The following COPG2 variants were observed in gnomAD, a reference collection of about 807,000 sequenced individuals.
The protein encoded by COPG2 is coat protein complex I subunit gamma 2, also known as coatomer subunit gamma-2.
Under a neutral mutation model 46.3 loss-of-function variants are expected in COPG2, and 37 were observed. That is an observed-to-expected ratio of 0.80 (90% CI 0.61 to 1.05). The LOEUF is 1.05. Ranked by LOEUF, COPG2 falls within the 50% of genes least tolerant of loss-of-function variation. The probability of loss-of-function intolerance (pLI) is 0.00; values close to 1 mark genes in which losing one functional copy is unlikely to be tolerated. For missense variants in COPG2, 427 were observed against 387.8 expected, an observed-to-expected ratio of 1.10 and a Z score of -0.85; for synonymous variants, 159 against 129.7, an observed-to-expected ratio of 1.23 and a Z score of -1.53.
chr7:130,668,426 C>T (rs1338501775), intron 1 of COPG2, among the ~76,000 whole-genome samples: 20 of 148,764 alleles, frequency 1.3e-4, no homozygotes, highest in Non-Finnish European at 2.4e-4. Context: ...GAGCGCGCGG[C>T]CCGAAGGGAG....
intron 4 of COPG2, among the ~76,000 whole-genome samples, chr7:130,653,449 C>T (rs1554459437): frequency 6.6e-6 from 1 of 152,120 alleles, no homozygotes; most frequent in Non-Finnish European, 1.5e-5. Context: ...AGACGGCGTA[C>T]AGTATTAATT....
intron 3 of COPG2, among the ~76,000 whole-genome samples, 178 bp downstream of exon 3, chr7:130,666,671 G>GT (rs1348063981): frequency 1.3e-5 from 2 of 152,178 alleles, no homozygotes; most frequent in Non-Finnish European, 2.9e-5. Flanking sequence ...TACTCAACCT[G>GT]TATATGTCAT....
chr7:130,661,868 T>C (rs1385084374), intron 4 of COPG2, among the ~76,000 whole-genome samples: 1 of 152,238 alleles, frequency 6.6e-6, no homozygotes, highest in Non-Finnish European at 1.5e-5. Flanking sequence ...CAGAAATCTA[T>C]AACTGCCTTC....
Position 130,555,099 on chromosome 7 carries a change from G to A in COPG2, c.1162C>T (p.Gln388Ter). 2.5e-6 allele frequency: 1 copy of A among 398,472 alleles called. No individual in the cohort carries two copies. The highest frequency in any genetic ancestry group is 4.4e-6 in the Non-Finnish European group (1 of 226,020). The allele number at this position is 398,472 out of a possible 1,614,324, so 24.7% of individuals were successfully genotyped here. A position where few individuals can be genotyped will look rare whatever the true frequency, so the allele number is the denominator to read the frequency against. Residue 388 changes from glutamine to a stop codon, truncating the protein, a stop_gained, in exon 13 of 24, where the codon CAG becomes TAG. Transcript: ENST00000425248. LOFTEE classifies it high-confidence loss of function. The stretch of plus-strand genomic sequence containing the variant: ...ACACTGTGCTTTCGAGGGTATTTCT[G>A]ACAGAGAGCACTAATTGCCTGTACA... ...VVVQAISALC[Q>*]KYPRKHSVMM...
chr7:130,621,281 A>C (rs1554453601), intron 5 of COPG2, among the ~76,000 whole-genome samples: 1 of 152,236 alleles, frequency 6.6e-6, no homozygotes, highest in Non-Finnish European at 1.5e-5. Flanking sequence ...TAGCCTCCAG[A>C]ACTGTAAAAG....
At chr7:130,519,569 G>C (rs1799708716) in intron 20 of COPG2, among the ~76,000 whole-genome samples, 1 of 152,162 alleles carries the variant, frequency 6.6e-6, no homozygotes. Flanking sequence ...AATGTAAGGA[G>C]TTTGCAGCCA....
intron 14 of COPG2, among the ~76,000 whole-genome samples, 193 bp downstream of exon 14, chr7:130,554,288 G>A (rs958975088): frequency 7.9e-5 from 12 of 152,120 alleles, no homozygotes; most frequent in African/African-American, 2.2e-4. Flanking sequence ...TACTGAAAGC[G>A]AAGGGTTATT....
At chr7:130,606,324 G>GAGAA (rs1316340644) in intron 9 of COPG2, among the ~76,000 whole-genome samples, 5 of 151,604 alleles carry the variant, frequency 3.3e-5, no homozygotes, top group Non-Finnish European at 7.4e-5. Context: ...AGAAAAGAAA[G>GAGAA]AGAAAGAAGG....
intron 11 of COPG2, 28 bp from the exon 12 acceptor site, chr7:130,561,249 A>G: frequency 5.0e-6 from 2 of 398,568 alleles, no homozygotes; most frequent in East Asian, 3.6e-5. Flanking sequence ...AAAAAAATTA[A>G]GCAAATTGCT....
intron 5 of COPG2, among the ~76,000 whole-genome samples, chr7:130,643,225 G>A (rs1389931175): frequency 1.3e-5 from 2 of 151,788 alleles, no homozygotes; most frequent in Admixed American, 6.6e-5. Flanking sequence ...AACCCGGGAG[G>A]CGGAGCTTGC....
intron 20 of COPG2, among the ~76,000 whole-genome samples, chr7:130,535,958 A>G (rs1799875936): frequency 4.6e-5 from 7 of 152,078 alleles, no homozygotes. Flanking sequence ...ACCAAATGGG[A>G]AGTCTCTCTG....
intron 6 of COPG2, among the ~76,000 whole-genome samples, chr7:130,614,209 A>G (rs1481305482): frequency 6.6e-6 from 1 of 152,226 alleles, no homozygotes; most frequent in Non-Finnish European, 1.5e-5. Context: ...GCAGATAAAG[A>G]TGAGTAAAAA....
intron 5 of COPG2, among the ~76,000 whole-genome samples, chr7:130,621,460 G>A (rs1328935074): frequency 6.6e-6 from 1 of 152,170 alleles, no homozygotes; most frequent in African/African-American, 2.4e-5. Context: ...TGTAGCTGCA[G>A]CACAAAGGCA....
chr7:130,568,277 A>T (rs1793838116), intron 9 of COPG2, among the ~76,000 whole-genome samples: 1 of 152,142 alleles, frequency 6.6e-6, no homozygotes, highest in African/African-American at 2.4e-5. Flanking sequence ...CTCTGTCTCA[A>T]AAAAAAGAAT....
At chr7:130,607,534 C>A (rs1794758257) in intron 9 of COPG2, 13 of 425,578 alleles carry the variant, frequency 3.1e-5, no homozygotes, top group South Asian at 2.3e-4. Context: ...AACTTTATTT[C>A]CTCCATAGTG....
chr7:130,609,172 C>A (rs144717447), intron 9 of COPG2, among the ~76,000 whole-genome samples: 1 of 152,266 alleles, frequency 6.6e-6, no homozygotes, highest in African/African-American at 2.4e-5. Flanking sequence ...TGAGCCACCG[C>A]ACCCAGCCCC....
chr7:130,598,261 G>T (rs1487156699), intron 9 of COPG2, among the ~76,000 whole-genome samples: 1 of 152,112 alleles, frequency 6.6e-6, no homozygotes, highest in Non-Finnish European at 1.5e-5. Flanking sequence ...CTGCCTCAGG[G>T]CTTTAGGGAT....
intron 20 of COPG2, among the ~76,000 whole-genome samples, chr7:130,531,092 T>C (rs1186764113): frequency 9.0e-6 from 1 of 111,514 alleles, no homozygotes; most frequent in South Asian, 3.5e-4. Flanking sequence ...GGGGTTTGGG[T>C]CTGGGTTGGG....
At chr7:130,561,433 T>A (rs1472732553) in intron 11 of COPG2, among the ~76,000 whole-genome samples, 1 of 152,336 alleles carries the variant, frequency 6.6e-6, no homozygotes, top group African/African-American at 2.4e-5. Context: ...TTTTGTTAGG[T>A]TCCTCTAACC....
Sources: allele counts gnomAD v4.1 joint callset (sites outside exome capture counted in the v4.1 genomes callset), GRCh38; gene constraint gnomAD v4.1.1; transcripts MANE v1.5; gene names NCBI Gene and HGNC (gene_info 2026-07-23, HGNC 2026-07-21).